The following KCNQ3 variants were observed in gnomAD, a reference collection of about 807,000 sequenced individuals.
KCNQ3 encodes potassium voltage-gated channel subfamily Q member 3.
In KCNQ3, 30 loss-of-function variants were observed where a neutral mutation model predicts 92.5. The ratio of observed to expected loss-of-function variants is 0.32; its 90% CI spans 0.24 to 0.44. KCNQ3 has a LOEUF of 0.44. Ranked by LOEUF, KCNQ3 falls within the 20% of genes least tolerant of loss-of-function variation. KCNQ3 has a pLI of 1.00. For synonymous variants in KCNQ3, 450 were observed against 468.8 expected (o/e 0.96, Z 0.52); for missense variants, 913 against 1,140.3 (o/e 0.80, Z 2.87).
chr8:132,310,385 C>T lies in KCNQ3; in HGVS notation c.387-124204G>A, dbSNP rs1376154616. On this transcript the variant is annotated intron_variant, in intron 1 of 14. Transcript: ENST00000388996. ...TCTCTCTGAGCATGAATCTATTGAC[C>T]ACAGCTTCTTAAGACTCCTCTCACT... 3.3e-5 allele frequency among the ~76,000 whole-genome samples: 5 copies of T among 152,184 alleles called. 1 individual carries two copies. The highest frequency in any genetic ancestry group is 1.3e-4 in the Admixed American group (2 of 15,276).
intron 1 of KCNQ3, among the ~76,000 whole-genome samples, chr8:132,370,313 A>G (rs73708432): frequency 6.9e-5 from 10 of 145,948 alleles, no homozygotes; most frequent in Non-Finnish European, 1.0e-4. Flanking sequence ...TAAATGGATG[A>G]ATGAATGAAT....
chr8:132,147,062 G>A (rs1825472667), intron 9 of KCNQ3, among the ~76,000 whole-genome samples: 7 of 152,206 alleles, frequency 4.6e-5, no homozygotes, highest in Admixed American at 4.6e-4. Context: ...GCTTTTTGGT[G>A]GAGAAGGGAT....
chr8:132,255,222 C>T (rs1178487225), intron 1 of KCNQ3, among the ~76,000 whole-genome samples: 1 of 152,102 alleles, frequency 6.6e-6, no homozygotes, highest in Non-Finnish European at 1.5e-5. Context: ...CCAAAGCCCA[C>T]TTCCCAGGTA....
chr8:132,423,969 T>TAA (rs202140716), intron 1 of KCNQ3, among the ~76,000 whole-genome samples: 2 of 151,254 alleles, frequency 1.3e-5, no homozygotes, highest in Non-Finnish European at 3.0e-5. Flanking sequence ...TTCTGGGATT[T>TAA]AAAAAAAAAC....
chr8:132,231,272 G>GT (rs997270526), intron 1 of KCNQ3, among the ~76,000 whole-genome samples: 1 of 152,206 alleles, frequency 6.6e-6, no homozygotes, highest in African/African-American at 2.4e-5. Context: ...AAGCCACTCA[G>GT]TTTGTGGTAA....
chr8:132,147,178 G>A (rs1595411), intron 9 of KCNQ3, among the ~76,000 whole-genome samples: 81,507 of 151,960 alleles, frequency 0.54, 22,196 homozygotes, highest in African/African-American at 0.6. Context: ...TGCAGTGGGT[G>A]GAGTAAGAAG....
intron 1 of KCNQ3, among the ~76,000 whole-genome samples, chr8:132,325,772 G>T (rs1818030204): frequency 1.3e-5 from 2 of 152,136 alleles, no homozygotes; most frequent in Non-Finnish European, 2.9e-5. Context: ...CAGCCCTAGT[G>T]AACTAATGCA....
intron 11 of KCNQ3, among the ~76,000 whole-genome samples, chr8:132,139,109 G>A (rs1825203197): frequency 6.6e-6 from 1 of 152,188 alleles, no homozygotes; most frequent in South Asian, 2.1e-4. Context: ...TATGGACCAG[G>A]AAGCCTAAAA....
chr8:132,391,318 C>T (rs757962691), intron 1 of KCNQ3, among the ~76,000 whole-genome samples: 3 of 152,148 alleles, frequency 2.0e-5, no homozygotes, highest in Non-Finnish European at 2.9e-5. Flanking sequence ...TTGGCCAAGG[C>T]ATGATCTCTG....
chr8:132,285,005 ACCTC>A (rs1354559792), intron 1 of KCNQ3, among the ~76,000 whole-genome samples: 2 of 152,264 alleles, frequency 1.3e-5, no homozygotes, highest in East Asian at 3.9e-4. Context: ...AGACTTCCCA[ACCTC>A]TAGAACTATG....
At chr8:132,188,478 T>C (rs190080179) in intron 1 of KCNQ3, among the ~76,000 whole-genome samples, 18 of 152,334 alleles carry the variant, frequency 1.2e-4, no homozygotes, top group Admixed American at 8.5e-4. Flanking sequence ...TGCGTGTTCT[T>C]AGACAAAATA....
chr8:132,336,619 C>T (rs1175975937), intron 1 of KCNQ3, among the ~76,000 whole-genome samples: 2 of 152,190 alleles, frequency 1.3e-5, no homozygotes, highest in Non-Finnish European at 2.9e-5. Flanking sequence ...CACCAACCAC[C>T]TCCTCTCTGT....
At chr8:132,153,005 A>G (rs1046636528) in intron 9 of KCNQ3, among the ~76,000 whole-genome samples, 2 of 152,190 alleles carry the variant, frequency 1.3e-5, no homozygotes, top group Admixed American at 6.5e-5. Context: ...TTGGAGAGAG[A>G]GGAATTATGT....
intron 1 of KCNQ3, among the ~76,000 whole-genome samples, chr8:132,340,928 G>C (rs1218996907): frequency 6.6e-6 from 1 of 152,224 alleles, no homozygotes; most frequent in Non-Finnish European, 1.5e-5. Context: ...CTCTGATATA[G>C]TTGTCACTAG....
At chr8:132,242,536 A>G (rs142888942) in intron 1 of KCNQ3, among the ~76,000 whole-genome samples, 44 of 152,312 alleles carry the variant, frequency 2.9e-4, no homozygotes, top group African/African-American at 1.0e-3. Context: ...CAACATCTGT[A>G]CTACACCACT....
At chr8:132,422,659 C>T (rs921223933) in intron 1 of KCNQ3, among the ~76,000 whole-genome samples, 1 of 152,180 alleles carries the variant, frequency 6.6e-6, no homozygotes, top group Non-Finnish European at 1.5e-5. Context: ...GCTCCCCTTC[C>T]GGCAGCTGTA....
At chr8:132,286,096 T>G (rs138273657) in intron 1 of KCNQ3, among the ~76,000 whole-genome samples, 87 of 152,228 alleles carry the variant, frequency 5.7e-4, no homozygotes, top group Non-Finnish European at 8.4e-4. Context: ...AGGCAAAAAT[T>G]TGCTTCATGG....
chr8:132,349,834 T>G (rs1818805764), intron 1 of KCNQ3, among the ~76,000 whole-genome samples: 2 of 152,226 alleles, frequency 1.3e-5, no homozygotes, highest in Admixed American at 1.3e-4. Context: ...TAAAAGGTTG[T>G]TTTGAGCCAC....
intron 1 of KCNQ3, among the ~76,000 whole-genome samples, chr8:132,230,481 G>A (rs956825296): frequency 2.1e-5 from 3 of 139,710 alleles, no homozygotes; most frequent in South Asian, 2.3e-4. Context: ...GAGAGAGAGA[G>A]AAAATCCTTT....
Sources: allele counts gnomAD v4.1 joint callset (sites outside exome capture counted in the v4.1 genomes callset), GRCh38; gene constraint gnomAD v4.1.1; transcripts MANE v1.5; gene names NCBI Gene and HGNC (gene_info 2026-07-23, HGNC 2026-07-21).